UBTD2: variants seen among roughly 807,000 people sequenced by gnomAD.
UBTD2 encodes the protein ubiquitin domain containing 2.
A neutral mutation model predicts 19.8 loss-of-function variants in UBTD2; 9 were observed. The observed-to-expected ratio is 0.46, with a 90% CI of 0.27 to 0.79. The LOEUF (loss-of-function observed/expected upper bound fraction) is 0.79, where lower values mean the gene tolerates loss of function less well. Ranked by LOEUF, UBTD2 falls within the 30% of genes least tolerant of loss-of-function variation. The probability of loss-of-function intolerance (pLI) is 0.14; values close to 1 mark genes in which losing one functional copy is unlikely to be tolerated. For missense variants in UBTD2, 250 were observed against 300.4 expected, an observed-to-expected ratio of 0.83 and a Z score of 1.24; for synonymous variants, 98 against 103.9, an observed-to-expected ratio of 0.94 and a Z score of 0.35.
chr5:172,242,531 A>AACTTCCTATTTATAGGT, intron 1 of UBTD2: 1 of 607,922 alleles, frequency 1.6e-6, no homozygotes, highest in Non-Finnish European at 2.1e-6. Flanking sequence ...GTATTAACCT[A>AACTTCCTATTTATAGGT]TAAATAGGAA....
intron 1 of UBTD2, among the ~76,000 whole-genome samples, chr5:172,281,376 G>A (rs535314910): frequency 6.6e-6 from 1 of 152,232 alleles, no homozygotes; most frequent in South Asian, 2.1e-4. Flanking sequence ...CATGCACCTC[G>A]TGGTCCCAGT....
chr5:172,262,676 G>A (rs187163237), intron 1 of UBTD2, among the ~76,000 whole-genome samples: 11 of 151,066 alleles, frequency 7.3e-5, no homozygotes, highest in East Asian at 2.0e-4. Context: ...TTAGCCAGGC[G>A]TGGTGGCACG....
chr5:172,229,934 A>G (rs925163519), intron 2 of UBTD2, among the ~76,000 whole-genome samples: 2 of 152,218 alleles, frequency 1.3e-5, no homozygotes, highest in African/African-American at 4.8e-5. Context: ...TAGGATTTGT[A>G]GGTAATGGCA....
intron 1 of UBTD2, among the ~76,000 whole-genome samples, chr5:172,253,621 T>C (rs1755074775): frequency 6.6e-6 from 1 of 151,816 alleles, no homozygotes; most frequent in African/African-American, 2.4e-5. Context: ...GCCCAGCTAA[T>C]TTTTGTATTT....
intron 2 of UBTD2, among the ~76,000 whole-genome samples, chr5:172,222,923 G>A (rs1771682373): frequency 6.6e-6 from 1 of 152,182 alleles, no homozygotes; most frequent in South Asian, 2.1e-4. Flanking sequence ...TATTCTAGGT[G>A]CTAAGGTTGT....
chr5:172,280,662 TATAAAA>T (rs1266725404), intron 1 of UBTD2, among the ~76,000 whole-genome samples: 1 of 151,964 alleles, frequency 6.6e-6, no homozygotes, highest in Non-Finnish European at 1.5e-5. Context: ...AATAACAAAA[TATAAAA>T]ATAAAAGTTT....
rs1266596518 is a variant in UBTD2, at chr5:172,282,727, TTTA to T, written c.70+866_70+868del. On this transcript the variant is annotated intron_variant, in intron 1 of 2. Coordinates refer to ENST00000393792, the MANE Select transcript of UBTD2 (RefSeq NM_152277.3). The stretch of plus-strand genomic sequence containing the variant: ...TCACTTAAATAAAGATAGAACTAAT[TTTA>T]TTATTATACTGCCATACTACAACTA... Among the ~76,000 whole-genome samples the T allele has an allele frequency of 1.2e-4, 18 of 152,282 alleles. No homozygotes were observed. In the South Asian group the frequency reaches 3.7e-3, roughly 32 times the overall value.
intron 1 of UBTD2, among the ~76,000 whole-genome samples, chr5:172,246,612 T>G (rs181473971): frequency 8.4e-4 from 127 of 151,482 alleles, no homozygotes; most frequent in African/African-American, 3.0e-3. Context: ...CCTGGCTAAT[T>G]TTTGTATTTT....
chr5:172,232,969 T>C (rs1771933588), intron 2 of UBTD2, among the ~76,000 whole-genome samples: 1 of 151,776 alleles, frequency 6.6e-6, no homozygotes, highest in South Asian at 2.1e-4. Flanking sequence ...GGTGAAACCC[T>C]GTCTCTACTA....
chr5:172,236,264 T>C (rs911547594), intron 1 of UBTD2, among the ~76,000 whole-genome samples: 1 of 152,168 alleles, frequency 6.6e-6, no homozygotes. Flanking sequence ...AACAGGTGAG[T>C]TCTGAAAGGG....
At chr5:172,231,862 C>T (rs974560837) in intron 2 of UBTD2, among the ~76,000 whole-genome samples, 9 of 152,074 alleles carry the variant, frequency 5.9e-5, no homozygotes, top group African/African-American at 1.9e-4. Context: ...TATGTGAAGA[C>T]GATAATTACA....
At chr5:172,260,914 C>T (rs545883766) in intron 1 of UBTD2, among the ~76,000 whole-genome samples, 18 of 152,284 alleles carry the variant, frequency 1.2e-4, no homozygotes, top group African/African-American at 4.3e-4. Flanking sequence ...ATCACAAACC[C>T]AGAGCAGTGA....
At chr5:172,255,061 C>T (rs1581226812) in intron 1 of UBTD2, 2 of 505,346 alleles carry the variant, frequency 4.0e-6, no homozygotes, top group Admixed American at 2.5e-5. Context: ...CTGCCATCAT[C>T]TGCGGCATGG....
intron 2 of UBTD2, among the ~76,000 whole-genome samples, chr5:172,212,670 T>C (rs939950871): frequency 6.6e-6 from 1 of 152,174 alleles, no homozygotes; most frequent in African/African-American, 2.4e-5. Flanking sequence ...CTTTTATTCT[T>C]TTTCTTTTTA....
intron 1 of UBTD2, among the ~76,000 whole-genome samples, chr5:172,252,648 T>C (rs1483081414): frequency 6.6e-6 from 1 of 152,144 alleles, no homozygotes; most frequent in Non-Finnish European, 1.5e-5. Flanking sequence ...GTCTCCCTCT[T>C]CTATCTGAAG....
At chr5:172,229,328 G>A (rs1474866078) in intron 2 of UBTD2, among the ~76,000 whole-genome samples, 5 of 151,926 alleles carry the variant, frequency 3.3e-5, no homozygotes, top group Middle Eastern at 3.4e-3. Flanking sequence ...GTGAAACCCT[G>A]TCTCTACTAA....
At chr5:172,247,551 A>G (rs913505867) in intron 1 of UBTD2, among the ~76,000 whole-genome samples, 1 of 152,214 alleles carries the variant, frequency 6.6e-6, no homozygotes, top group African/African-American at 2.4e-5. Context: ...AGAGGACTAC[A>G]GTGGCTATAT....
chr5:172,233,052 T>G (rs1771935720), intron 2 of UBTD2, among the ~76,000 whole-genome samples: 1 of 151,932 alleles, frequency 6.6e-6, no homozygotes, highest in South Asian at 2.1e-4. Context: ...GAGGCGGAGG[T>G]TGCAGTGAGC....
intron 1 of UBTD2, among the ~76,000 whole-genome samples, chr5:172,251,327 G>GAAAAAAAAAAAAAAAAAAAAT: frequency 9.5e-6 from 1 of 104,906 alleles, no homozygotes; most frequent in African/African-American, 3.7e-5. Flanking sequence ...AAAAAAAAAA[G>GAAAAAAAAAAAAAAAAAAAAT]AAAATAGCCA....
Sources: gnomAD v4.1 joint callset for allele counts (sites outside exome capture counted in the v4.1 genomes callset) on GRCh38, gnomAD v4.1.1 for gene constraint, MANE v1.5 for transcripts, NCBI Gene and HGNC (gene_info 2026-07-23, HGNC 2026-07-21) for gene names.